The following SLC24A1 variants were observed in gnomAD, a reference collection of about 807,000 sequenced individuals.
SLC24A1 encodes sodium/potassium/calcium exchanger 1.
In SLC24A1, 52 loss-of-function variants were observed where a neutral mutation model predicts 88.1. The observed-to-expected ratio is 0.59, with a 90% CI of 0.47 to 0.74. The LOEUF (loss-of-function observed/expected upper bound fraction) is 0.74, where lower values mean the gene tolerates loss of function less well. Ranked by LOEUF, SLC24A1 falls within the 30% of genes least tolerant of loss-of-function variation. The pLI is 0.00. For missense variants in SLC24A1, 1,173 were observed against 1,363.3 expected, an observed-to-expected ratio of 0.86 and a Z score of 2.20; for synonymous variants, 455 against 498.0, an observed-to-expected ratio of 0.91 and a Z score of 1.15.
At chr15:65,647,942 T>C (rs974469316) in intron 6 of SLC24A1, among the ~76,000 whole-genome samples, 2 of 152,106 alleles carry the variant, frequency 1.3e-5, no homozygotes, top group African/African-American at 4.8e-5. Flanking sequence ...ATATCTGGGG[T>C]GGGTCCTTGG....
intron 1 of SLC24A1, among the ~76,000 whole-genome samples, chr15:65,623,479 A>G (rs192475991): frequency 2.2e-4 from 34 of 152,304 alleles, no homozygotes; most frequent in African/African-American, 7.0e-4. Context: ...AAAAAAATAC[A>G]TGGAGCCTTA....
chr15:65,626,307 G>C (rs957791240), intron 2 of SLC24A1, among the ~76,000 whole-genome samples: 2 of 152,204 alleles, frequency 1.3e-5, no homozygotes, highest in Admixed American at 6.5e-5. Context: ...ACTTGGGTTG[G>C]TGCGACCAGG....
chr15:65,626,082 G>T, intron 2 of SLC24A1, 112 bp downstream of exon 2: 1 of 791,916 alleles, frequency 1.3e-6, no homozygotes, highest in Non-Finnish European at 2.2e-6. Flanking sequence ...GAATGCTCTG[G>T]TTCCCTTACT....
intron 1 of SLC24A1, among the ~76,000 whole-genome samples, chr15:65,622,788 C>A (rs898889416): frequency 6.6e-6 from 1 of 150,946 alleles, no homozygotes; most frequent in Non-Finnish European, 1.5e-5. Context: ...GTTGCTCAGG[C>A]TGGAGTGCAA....
chr15:65,628,604 G>GTGAGA (rs1018057864), intron 2 of SLC24A1, among the ~76,000 whole-genome samples: 54 of 152,306 alleles, frequency 3.5e-4, no homozygotes, highest in African/African-American at 1.3e-3. Flanking sequence ...TGCAGGTGAG[G>GTGAGA]AAACTGAAGC....
At position 65,652,626 on chromosome 15, in the gene SLC24A1, C is replaced by G. The variant is rs369596040; in HGVS notation, c.2884-16C>G. The G allele has an allele frequency of 3.1e-6, 5 of 1,612,582 alleles. No homozygotes were observed. The East Asian group carries it at 6.7e-5, about 22-fold the overall frequency. Reference sequence around the variant, plus strand: ...CTCAGGTTTTTCACCTACTGTTGACCGTTGCCGTTTACCAGGTTGGTGAAA... The same window carrying G: ...CTCAGGTTTTTCACCTACTGTTGACGGTTGCCGTTTACCAGGTTGGTGAAA... On this transcript the variant is annotated splice_polypyrimidine_tract_variant and intron_variant, in intron 8 of 9. Transcript: ENST00000261892.
At chr15:65,631,911 A>G (rs1470125868) in intron 2 of SLC24A1, among the ~76,000 whole-genome samples, 2 of 152,186 alleles carry the variant, frequency 1.3e-5, no homozygotes, top group African/African-American at 4.8e-5. Flanking sequence ...AGCTCACTGC[A>G]ACCTCCGCGT....
intron 4 of SLC24A1, among the ~76,000 whole-genome samples, chr15:65,640,541 C>A (rs915990641): frequency 6.6e-6 from 1 of 152,102 alleles, no homozygotes; most frequent in African/African-American, 2.4e-5. Context: ...GCCAGGAGGC[C>A]CATCAAGGAA....
intron 2 of SLC24A1, among the ~76,000 whole-genome samples, chr15:65,634,453 GAGA>G (rs1465077963): frequency 1.3e-5 from 2 of 152,182 alleles, no homozygotes; most frequent in Non-Finnish European, 2.9e-5. Context: ...CTGTTGTAAG[GAGA>G]AGAAGGTGGG....
At chr15:65,638,702 G>A (rs1006866497) in intron 3 of SLC24A1, among the ~76,000 whole-genome samples, 1 of 152,084 alleles carries the variant, frequency 6.6e-6, no homozygotes. Flanking sequence ...AAGGAGTTCC[G>A]AACTTGAACC....
chr15:65,625,489 C>T lies in SLC24A1; in HGVS notation c.1409C>T (p.Ala470Val). The T allele has an allele frequency of 6.2e-7, 1 of 1,614,032 alleles. No homozygotes were observed. The highest frequency in any genetic ancestry group is 8.5e-7 in the Non-Finnish European group (1 of 1,179,892). The part of the protein sequence containing the change: ...FGMMYVFVAL[A>V]IVCDEYFVPA... ...ATGATGTATGTGTTTGTGGCCTTGGCCATTGTTTGCGACGAGTACTTCGTT... is the reference window on the plus strand; with the variant it reads ...ATGATGTATGTGTTTGTGGCCTTGGTCATTGTTTGCGACGAGTACTTCGTT... Residue 470 changes from alanine to valine, a missense_variant, in exon 2 of 10, where the codon GCC (alanine) becomes GTC (valine). Coordinates refer to ENST00000261892, the MANE Select transcript of SLC24A1 (RefSeq NM_004727.3).
intron 2 of SLC24A1, among the ~76,000 whole-genome samples, chr15:65,613,992 C>G (rs184697552): frequency 2.8e-4 from 43 of 152,258 alleles, no homozygotes; most frequent in African/African-American, 1.0e-3. Flanking sequence ...CTTCCAAGCT[C>G]CAGCCCCTTC....
chr15:65,617,112 T>C (rs2074171349), upstream of SLC24A1, among the ~76,000 whole-genome samples: 1 of 152,208 alleles, frequency 6.6e-6, no homozygotes, highest in South Asian at 2.1e-4. Context: ...TACCATGCTG[T>C]TTTGGTTACT....
intron 2 of SLC24A1, among the ~76,000 whole-genome samples, chr15:65,630,166 G>A: frequency 6.6e-6 from 1 of 152,020 alleles, no homozygotes. Context: ...TGGGGAGGGG[G>A]AGGATATGGA....
At chr15:65,634,740 C>CAAAAAAAAAAAAAAAAAGAA (rs2074848732) in intron 2 of SLC24A1, among the ~76,000 whole-genome samples, 2 of 90,538 alleles carry the variant, frequency 2.2e-5, no homozygotes, top group African/African-American at 4.1e-5. Context: ...TCAAAAGCAC[C>CAAAAAAAAAAAAAAAAAGAA]AAAAAAAAAA....
chr15:65,627,645 T>A (rs1436525137), intron 2 of SLC24A1, among the ~76,000 whole-genome samples: 1 of 152,162 alleles, frequency 6.6e-6, no homozygotes, highest in East Asian at 1.9e-4. Context: ...CTTGCTAAGT[T>A]CTCAGGGGTG....
At position 65,654,812 on chromosome 15, in the gene SLC24A1, T is replaced by A; in HGVS notation, c.*733T>A. 1 of 1,039,208 alleles carries A rather than the reference T, an allele frequency of 9.6e-7. No individual in the cohort carries two copies. The highest frequency in any genetic ancestry group is 1.3e-6 in the Non-Finnish European group (1 of 782,020). The allele number at this position is 1,039,208 out of a possible 1,614,324, so 64.4% of individuals were successfully genotyped here. On this transcript the variant is annotated 3_prime_UTR_variant, in exon 10 of 10. Coordinates refer to ENST00000261892, the MANE Select transcript of SLC24A1 (RefSeq NM_004727.3). ...CCTTCACCTCCCCGGTTCAAGCAATTCTCCTGCCTCAGCCTGAAGTCGTGA... is the reference window on the plus strand; with the variant it reads ...CCTTCACCTCCCCGGTTCAAGCAATACTCCTGCCTCAGCCTGAAGTCGTGA...
rs991782476 is a variant in SLC24A1, at chr15:65,650,834, G to T, written c.2685G>T (p.Glu895Asp). The change falls in exon 7 of 10, where the codon GAG (glutamate) becomes GAT (aspartate). Residue 895 changes from glutamate (E) to aspartate (D), a missense_variant. Physicochemically the swap from Glu to Asp is conservative, Grantham distance 45 (BLOSUM62 2). Coordinates refer to ENST00000261892, the MANE Select transcript of SLC24A1 (RefSeq NM_004727.3). The surrounding 1 kb of genome is among the most constrained non-coding windows in gnomAD (Gnocchi z 4.1). ...AAGAGGAGGAGAAGGGAAATGAAGA[G>T]CCTCTGTCCCTGGACTGGCCTGAAA... Reference protein sequence around the residue: ...EEEEEEKGNEEPLSLDWPETR... With the variant: ...EEEEEEKGNEDPLSLDWPETR... 2 of 1,607,312 alleles carry T rather than the reference G, an allele frequency of 1.2e-6. No homozygotes were observed. The highest frequency in any genetic ancestry group is 1.7e-6 in the Non-Finnish European group (2 of 1,173,886).
upstream of SLC24A1, among the ~76,000 whole-genome samples, chr15:65,620,784 AG>A (rs1193525526): frequency 2.0e-5 from 3 of 152,388 alleles, no homozygotes; most frequent in African/African-American, 7.2e-5. Context: ...TTCAGAAAAA[AG>A]ATCACTCATT....
Sources: allele counts gnomAD v4.1 joint callset (sites outside exome capture counted in the v4.1 genomes callset), GRCh38; gene constraint gnomAD v4.1.1; non-coding constraint Gnocchi (gnomAD v3.1); transcripts MANE v1.5; gene names NCBI Gene and HGNC (gene_info 2026-07-23, HGNC 2026-07-21).